Variants in PRKDC observed in about 807,000 individuals in gnomAD.
PRKDC encodes protein kinase, DNA-activated, catalytic subunit, also known as DNA-dependent protein kinase catalytic subunit.
In PRKDC, 82 loss-of-function variants were observed where a neutral mutation model predicts 486.9. That is an observed-to-expected ratio of 0.17 (90% CI 0.14 to 0.20). The LOEUF is 0.20. PRKDC is among the 10% of genes least tolerant of loss of function. PRKDC has a pLI of 1.00. For missense variants in PRKDC, 4,504 were observed against 5,038.2 expected (o/e 0.89, Z 3.21); for synonymous variants, 1,895 against 1,837.0 (o/e 1.03, Z -0.81).
intron 51 of PRKDC, among the ~76,000 whole-genome samples, chr8:47,853,058 G>T (rs559120226): frequency 6.6e-6 from 1 of 152,338 alleles, no homozygotes; most frequent in African/African-American, 2.4e-5. Context: ...AGACAGAAAG[G>T]TGCAGTGACA....
At chr8:47,877,513 A>C (rs1238354605) in intron 40 of PRKDC, among the ~76,000 whole-genome samples, 1 of 152,246 alleles carries the variant, frequency 6.6e-6, no homozygotes, top group Non-Finnish European at 1.5e-5. Flanking sequence ...AACTTTGTTC[A>C]ATCTGGGGCC....
At chr8:47,834,516 T>C (rs2087963998) in intron 58 of PRKDC, 120 bp from the exon 59 acceptor site, 2 of 1,011,718 alleles carry the variant, frequency 2.0e-6, no homozygotes, top group South Asian at 3.2e-5. Context: ...ACTCCAACCC[T>C]GGGCAGAGGC....
chr8:47,903,957 C>T (rs979408314), intron 26 of PRKDC, among the ~76,000 whole-genome samples: 1 of 152,270 alleles, frequency 6.6e-6, no homozygotes, highest in African/African-American at 2.4e-5. Flanking sequence ...CTCTCCCCTA[C>T]CCGTAACATG....
intron 78 of PRKDC, among the ~76,000 whole-genome samples, 183 bp downstream of exon 78, chr8:47,783,559 C>T (rs1006900839): frequency 6.6e-6 from 1 of 151,900 alleles, no homozygotes; most frequent in African/African-American, 2.4e-5. Flanking sequence ...CATTGCACTC[C>T]AGCCCAGGCA....
intron 23 of PRKDC, 140 bp downstream of exon 23, chr8:47,915,188 G>T: frequency 1.9e-6 from 1 of 522,136 alleles, no homozygotes. Context: ...CATTAGGCAA[G>T]ATATTATTCT....
chr8:47,778,436 T>G, intron 83 of PRKDC, 23 bp downstream of exon 83: 1 of 1,604,852 alleles, frequency 6.2e-7, no homozygotes, highest in South Asian at 1.1e-5. Flanking sequence ...TTGCCCAGGA[T>G]CACGAGAGCA....
At chr8:47,814,259 A>G (rs1480364377) in intron 68 of PRKDC, among the ~76,000 whole-genome samples, 1 of 152,220 alleles carries the variant, frequency 6.6e-6, no homozygotes. Flanking sequence ...CAAAAAAATT[A>G]TTTTTTAAAG....
intron 11 of PRKDC, 63 bp from the exon 12 acceptor site, chr8:47,936,580 T>A: frequency 6.4e-7 from 1 of 1,571,976 alleles, no homozygotes. Flanking sequence ...ATATTTAAGG[T>A]GTCATGTTAA....
chr8:47,773,116 G>A lies in PRKDC; in HGVS notation c.*1057C>T, dbSNP rs2086547452. 2 of 195,470 alleles carry A rather than the reference G, an allele frequency of 1.0e-5. No individual in the cohort carries two copies. The highest frequency in any genetic ancestry group is 3.8e-4 in the South Asian group (2 of 5,246). The allele number at this position is 195,470 out of a possible 1,614,324, so 12.1% of individuals were successfully genotyped here. A position where few individuals can be genotyped will look rare whatever the true frequency, so the allele number is the denominator to read the frequency against. Reference sequence around the variant, plus strand: ...ATAAAAGAGATACACACTACTTTTGGAAAAAAACTTTATTAAACACTCAAG... The same window carrying A: ...ATAAAAGAGATACACACTACTTTTGAAAAAAAACTTTATTAAACACTCAAG... On this transcript the variant is annotated 3_prime_UTR_variant, in exon 86 of 86. Coordinates refer to ENST00000314191, the MANE Select transcript of PRKDC (RefSeq NM_006904.7).
chr8:47,785,098 T>C lies in PRKDC; in HGVS notation c.11107+15A>G, dbSNP rs777505074. On this transcript the variant is annotated intron_variant, in intron 77 of 85. Transcript: ENST00000314191. ...CCTGACAGTACAGTTTTGTCACCCC[T>C]GGAGGTTAACTCACCGGGAATCTCC... 1.6e-5 allele frequency: 26 copies of C among 1,613,160 alleles called. No homozygotes were observed. Among genetic ancestry groups the C allele is most frequent in the Non-Finnish European group, 2.0e-5 (23 of 1,179,150 alleles).
intron 1 of PRKDC, chr8:47,959,270 G>T (rs2090768933): frequency 6.6e-6 from 1 of 152,210 alleles, no homozygotes; most frequent in Non-Finnish European, 1.5e-5. Context: ...TTGCTAAAGA[G>T]TTAAAAGAAC....
At chr8:47,798,106 T>C (rs2087018065) in intron 73 of PRKDC, 131 bp downstream of exon 73, 1 of 976,438 alleles carries the variant, frequency 1.0e-6, no homozygotes, top group East Asian at 2.7e-5. Context: ...CCTCAGAATG[T>C]AGCAGAATTC....
intron 27 of PRKDC, 105 bp from the exon 28 acceptor site, chr8:47,900,572 T>G: frequency 1.8e-6 from 2 of 1,127,016 alleles, no homozygotes; most frequent in South Asian, 3.0e-5. Flanking sequence ...ATTAAATTTG[T>G]TTTTTGTGGC....
intron 54 of PRKDC, among the ~76,000 whole-genome samples, 160 bp downstream of exon 54, chr8:47,848,994 A>G (rs2088338731): frequency 2.6e-5 from 4 of 152,206 alleles, no homozygotes; most frequent in Admixed American, 2.6e-4. Context: ...CTCAGCAGAT[A>G]TCCTATTCTT....
chr8:47,837,205 A>T lies in PRKDC; in HGVS notation c.7761+7T>A. 1 of 1,607,534 alleles carries T rather than the reference A, an allele frequency of 6.2e-7. No homozygotes were observed. The highest frequency in any genetic ancestry group is 8.5e-7 in the Non-Finnish European group (1 of 1,174,694). On this transcript the variant is annotated splice_region_variant and intron_variant, in intron 57 of 85. Transcript: ENST00000314191. ...ATTCACTACTATGAGAGAGAAGACC[A>T]CATTACCTGAAATTCGCATTCTGAC...
intron 74 of PRKDC, 97 bp from the exon 75 acceptor site, chr8:47,789,335 A>G (rs2086846844): frequency 2.9e-6 from 1 of 347,070 alleles, no homozygotes; most frequent in East Asian, 6.8e-5. Context: ...TATATTATAC[A>G]TATATAAAAT....
At chr8:47,842,777 T>C (rs146719169) in intron 54 of PRKDC, among the ~76,000 whole-genome samples, 1 of 152,162 alleles carries the variant, frequency 6.6e-6, no homozygotes. Context: ...AGAATCCGGA[T>C]GGCGAGAAAG....
chr8:47,849,060 G>A, intron 54 of PRKDC, 94 bp downstream of exon 54: 2 of 1,462,574 alleles, frequency 1.4e-6, no homozygotes, highest in Non-Finnish European at 1.8e-6. Context: ...GTATATCATG[G>A]AAACCCACAG....
intron 31 of PRKDC, among the ~76,000 whole-genome samples, chr8:47,892,140 G>C (rs1325026311): frequency 6.6e-6 from 1 of 152,098 alleles, no homozygotes; most frequent in East Asian, 1.9e-4. Context: ...AAATTGCTGG[G>C]ATTACAGGTG....
Sources: gnomAD v4.1 joint callset for allele counts (sites outside exome capture counted in the v4.1 genomes callset) on GRCh38, gnomAD v4.1.1 for gene constraint, MANE v1.5 for transcripts, NCBI Gene and HGNC (gene_info 2026-07-23, HGNC 2026-07-21) for gene names.